The following CNKSR3 variants were observed in gnomAD, a reference collection of about 807,000 sequenced individuals.
The protein encoded by CNKSR3 is connector enhancer of kinase suppressor of ras 3.
In CNKSR3, 36 loss-of-function variants were observed where a neutral mutation model predicts 67.7. The ratio of observed to expected loss-of-function variants is 0.53; its 90% confidence interval spans 0.41 to 0.70. CNKSR3 has a LOEUF of 0.70. Among genes scored for constraint, CNKSR3 ranks in the 30% least tolerant of loss-of-function variants. The pLI, the probability that CNKSR3 is intolerant of heterozygous loss-of-function variation, is 0.00. For synonymous variants in CNKSR3, 281 were observed against 271.4 expected (o/e 1.04, Z -0.35); for missense variants, 630 against 695.2 (o/e 0.91, Z 1.05).
At position 154,415,089 on chromosome 6, in the gene CNKSR3, C is replaced by A. The variant is rs574317054; in HGVS notation, c.946-666G>T. Among the ~76,000 whole-genome samples the A allele has an allele frequency of 9.0e-5, 10 of 110,890 alleles. No homozygotes were observed. In the South Asian group the frequency reaches 3.3e-3, roughly 36 times the overall value. 72.7% of individuals were successfully genotyped at this position (110,890 alleles called of 152,430 possible). Reference sequence around the variant, plus strand: ...CTCCAGCCTGGGTAACAGAGTGAGACTCTGTCTCAAAAAAAAAAAAAAAAA... The same window carrying A: ...CTCCAGCCTGGGTAACAGAGTGAGAATCTGTCTCAAAAAAAAAAAAAAAAA... On this transcript the variant is annotated intron_variant, in intron 9 of 12. Transcript: ENST00000607772.
At chr6:154,453,563 G>A (rs939761245) in intron 1 of CNKSR3, among the ~76,000 whole-genome samples, 9 of 152,138 alleles carry the variant, frequency 5.9e-5, no homozygotes, top group Non-Finnish European at 1.3e-4. Flanking sequence ...AGAATGTATT[G>A]TAGCCTGAAG....
chr6:154,411,144 T>C lies in CNKSR3; in HGVS notation c.1071-2A>G. ...TAAACAAAACTGCCATTCTCATCCC[T>C]GGAAGATAATATGGACAATAATTAA... On this transcript the variant is annotated splice_acceptor_variant, in intron 10 of 12. Transcript: ENST00000607772. LOFTEE classifies it high-confidence loss of function. 6.2e-7 allele frequency: 1 copy of C among 1,600,204 alleles called. No individual in the cohort carries two copies.
chr6:154,422,078 C>T (rs1256782784), intron 9 of CNKSR3, among the ~76,000 whole-genome samples: 2 of 151,584 alleles, frequency 1.3e-5, no homozygotes, highest in African/African-American at 4.9e-5. Flanking sequence ...CTGCAAGCTC[C>T]GCCTCCCGGG....
chr6:154,452,962 T>C (rs1785870016), intron 1 of CNKSR3, among the ~76,000 whole-genome samples: 1 of 152,234 alleles, frequency 6.6e-6, no homozygotes, highest in Non-Finnish European at 1.5e-5. Context: ...TATGGAACTT[T>C]GTTATGGCAG....
At chr6:154,493,758 A>G (rs7763662) in intron 1 of CNKSR3, among the ~76,000 whole-genome samples, 59,345 of 151,954 alleles carry the variant, frequency 0.39, 11,815 homozygotes, top group African/African-American at 0.48. Flanking sequence ...GGCAGCAGCG[A>G]GGAGAGAGCA....
intron 3 of CNKSR3, 97 bp from the exon 4 acceptor site, chr6:154,441,476 A>G: frequency 1.2e-6 from 1 of 860,850 alleles, no homozygotes; most frequent in Non-Finnish European, 1.9e-6. Flanking sequence ...GGGCTACTCT[A>G]AATTCCTTTT....
chr6:154,428,321 C>T (rs1308344103), intron 6 of CNKSR3, 134 bp from the exon 7 acceptor site: 16 of 638,918 alleles, frequency 2.5e-5, no homozygotes, highest in Non-Finnish European at 4.2e-5. Context: ...CCTGAAACAT[C>T]GAGAAACAAG....
chr6:154,428,090 C>T, intron 7 of CNKSR3, 38 bp downstream of exon 7: 1 of 1,350,176 alleles, frequency 7.4e-7, no homozygotes, highest in Non-Finnish European at 1.1e-6. Context: ...TCTGTTTAAA[C>T]ACACAACAGA....
In CNKSR3 at chr6:154,470,626, C is replaced by T. The variant is rs144693580; in HGVS notation, c.53-20368G>A. On this transcript the variant is annotated intron_variant, in intron 1 of 12. Transcript: ENST00000607772. ...CAGCCTGCACCAGTACTTCAGTCCTCTTCATGGCTGACTAATATTCCATTG... is the reference window on the plus strand; with the variant it reads ...CAGCCTGCACCAGTACTTCAGTCCTTTTCATGGCTGACTAATATTCCATTG... 4.6e-3 allele frequency among the ~76,000 whole-genome samples: 703 copies of T among 152,324 alleles called. 5 individuals are homozygous for T. The highest frequency in any genetic ancestry group is 6.2e-3 in the Non-Finnish European group (422 of 68,024).
intron 1 of CNKSR3, among the ~76,000 whole-genome samples, chr6:154,495,037 A>G (rs1232705614): frequency 6.6e-6 from 1 of 152,166 alleles, no homozygotes; most frequent in African/African-American, 2.4e-5. Context: ...TACAGAAATA[A>G]TTCCGGGTGT....
chr6:154,413,312 C>A (rs1000946358), intron 10 of CNKSR3, among the ~76,000 whole-genome samples: 2 of 152,094 alleles, frequency 1.3e-5, no homozygotes, highest in Non-Finnish European at 2.9e-5. Context: ...GTACTGCAGC[C>A]TCGACCTCCT....
In CNKSR3 at chr6:154,405,524, T is replaced by TTCC. The variant is rs1784770300; in HGVS notation, c.*829_*830insGGA. On this transcript the variant is annotated 3_prime_UTR_variant, in exon 13 of 13. Transcript: ENST00000607772. ...TTTTGAAGAAGTGTACACACCGTGCTGGAAGACAGACACTGAACAGGTCAA... is the reference window on the plus strand; with the variant it reads ...TTTTGAAGAAGTGTACACACCGTGCTTCCGGAAGACAGACACTGAACAGGTCAA... 1 of 152,310 alleles carries TTCC rather than the reference T, an allele frequency of 6.6e-6. No homozygotes were observed. Among genetic ancestry groups the TTCC allele is most frequent in the Non-Finnish European group, 1.5e-5 (1 of 68,042 alleles). 9.4% of individuals were successfully genotyped at this position (152,310 alleles called of 1,614,324 possible).
intron 7 of CNKSR3, among the ~76,000 whole-genome samples, chr6:154,427,475 T>C (rs866664917): frequency 1.3e-5 from 2 of 152,212 alleles, no homozygotes; most frequent in African/African-American, 4.8e-5. Flanking sequence ...GCAAGCCACA[T>C]TGTAGGCTGC....
At chr6:154,496,854 A>G (rs1337042891) in intron 1 of CNKSR3, among the ~76,000 whole-genome samples, 2 of 152,074 alleles carry the variant, frequency 1.3e-5, no homozygotes, top group Non-Finnish European at 2.9e-5. Context: ...CATCCTCAAA[A>G]CCTTTTATCA....
At chr6:154,480,052 C>T (rs573826566) in intron 1 of CNKSR3, among the ~76,000 whole-genome samples, 9 of 152,294 alleles carry the variant, frequency 5.9e-5, no homozygotes, top group African/African-American at 1.9e-4. Context: ...GGGAAGTAAA[C>T]TTTCTCGTTG....
At position 154,398,705 on chromosome 6, in the gene CNKSR3, T is replaced by C. The variant is rs532299752; in HGVS notation, c.*7649A>G. On this transcript the variant is annotated 3_prime_UTR_variant, in exon 13 of 13. Coordinates refer to ENST00000607772, the MANE Select transcript of CNKSR3 (RefSeq NM_173515.4). ...GTGGGCAAAATGCTCCGATTCCCTT[T>C]GTTTTCATATACGATTTCATTGAAG... 2.0e-5 allele frequency: 3 copies of C among 152,344 alleles called. No individual in the cohort carries two copies. The highest frequency in any genetic ancestry group is 7.2e-5 in the African/African-American group (3 of 41,578). 9.4% of individuals were successfully genotyped at this position (152,344 alleles called of 1,614,324 possible).
intron 1 of CNKSR3, among the ~76,000 whole-genome samples, chr6:154,494,326 G>T (rs1786837354): frequency 6.6e-6 from 1 of 152,050 alleles, no homozygotes; most frequent in Admixed American, 6.6e-5. Context: ...ATAGCATAGG[G>T]GAAACTGTCC....
chr6:154,407,872 G>GA (rs56406534), intron 12 of CNKSR3, among the ~76,000 whole-genome samples: 4,708 of 68,600 alleles, frequency 0.069, 840 homozygotes, highest in African/African-American at 0.11. Flanking sequence ...TTTAGAATTT[G>GA]AAAAAAAAAA....
At chr6:154,418,418 A>G (rs996977018) in intron 9 of CNKSR3, among the ~76,000 whole-genome samples, 2 of 152,154 alleles carry the variant, frequency 1.3e-5, no homozygotes, top group African/African-American at 4.8e-5. Context: ...TGGTCTATCT[A>G]TGTTTTGTGG....
Sources: gnomAD v4.1 joint callset for allele counts (sites outside exome capture counted in the v4.1 genomes callset) on GRCh38, gnomAD v4.1.1 for gene constraint, MANE v1.5 for transcripts, NCBI Gene and HGNC (gene_info 2026-07-23, HGNC 2026-07-21) for gene names.